The following HLCS variants were observed in gnomAD, a reference collection of about 807,000 sequenced individuals.
HLCS encodes the protein holocarboxylase synthetase, also known as biotin--protein ligase.
A neutral mutation model predicts 75.0 loss-of-function variants in HLCS; 53 were observed. That is an observed-to-expected ratio of 0.71 (90% CI 0.57 to 0.89). HLCS has a LOEUF of 0.89. Among genes scored for constraint, HLCS ranks in the 40% least tolerant of loss-of-function variants. The pLI is 0.00. For synonymous variants in HLCS, 431 were observed against 428.6 expected (o/e 1.01, Z -0.07); for missense variants, 966 against 1,074.0 (o/e 0.90, Z 1.41).
intron 6 of HLCS, among the ~76,000 whole-genome samples, chr21:36,868,282 A>G (rs1324582687): frequency 1.3e-5 from 2 of 151,852 alleles, no homozygotes; most frequent in East Asian, 1.9e-4. Context: ...AAGGAAAGAA[A>G]GAAAGAAAGA....
At chr21:36,870,622 G>C (rs928112407) in intron 6 of HLCS, among the ~76,000 whole-genome samples, 2 of 152,256 alleles carry the variant, frequency 1.3e-5, no homozygotes, top group East Asian at 3.9e-4. Flanking sequence ...GATTGTTTCG[G>C]AATCATAGTT....
At chr21:36,829,655 T>C (rs534800327) in intron 6 of HLCS, among the ~76,000 whole-genome samples, 2 of 152,226 alleles carry the variant, frequency 1.3e-5, no homozygotes, top group Admixed American at 1.3e-4. Flanking sequence ...GGAAGATGTT[T>C]CTAGTATCAA....
intron 6 of HLCS, among the ~76,000 whole-genome samples, chr21:36,832,687 G>A (rs2062254680): frequency 6.6e-6 from 1 of 152,166 alleles, no homozygotes; most frequent in Non-Finnish European, 1.5e-5. Flanking sequence ...TCTGACATGG[G>A]AGGCCATTCC....
rs781429823 is a variant in HLCS at position 36,936,768 on chromosome 21, G to A, written c.1118C>T (p.Pro373Leu). 19 of 1,614,090 alleles carry A rather than the reference G, an allele frequency of 1.2e-5. No individual in the cohort carries two copies. The highest frequency in any genetic ancestry group is 1.7e-5 in the Admixed American group (1 of 60,014). Reference protein sequence around the residue: ...LLVIATRESIPEDLYQKFMAY... With the variant: ...LLVIATRESILEDLYQKFMAY... Reference sequence around the variant, plus strand: ...CATGAACTTCTGGTACAGGTCTTCGGGAATGGACTCCCTGGTAGCAATGAC... The same window carrying A: ...CATGAACTTCTGGTACAGGTCTTCGAGAATGGACTCCCTGGTAGCAATGAC... The change falls in exon 4 of 11, where the codon CCC becomes CTC. Residue 373 changes from proline (P) to leucine (L), a missense_variant. Physicochemically the swap from Pro to Leu is moderately conservative, Grantham distance 98. Transcript: ENST00000674895.
chr21:36,834,443 C>T (rs545639342), intron 6 of HLCS, among the ~76,000 whole-genome samples: 33 of 152,346 alleles, frequency 2.2e-4, no homozygotes, highest in Admixed American at 4.6e-4. Context: ...AGTGGCCAAG[C>T]GCCAGAGAGG....
chr21:36,892,150 G>A (rs2064813057), intron 6 of HLCS, among the ~76,000 whole-genome samples: 1 of 152,162 alleles, frequency 6.6e-6, no homozygotes, highest in South Asian at 2.1e-4. Context: ...CCTTAAGGCT[G>A]GCCTATAAAA....
intron 10 of HLCS, among the ~76,000 whole-genome samples, chr21:36,755,401 A>G (rs1033409882): frequency 2.0e-5 from 3 of 152,108 alleles, no homozygotes; most frequent in African/African-American, 7.2e-5. Flanking sequence ...CTCTCTAAAA[A>G]AAAAAAAAGT....
At chr21:36,869,255 G>C (rs2146221364) in intron 6 of HLCS, among the ~76,000 whole-genome samples, 1 of 152,226 alleles carries the variant, frequency 6.6e-6, no homozygotes, top group East Asian at 1.9e-4. Flanking sequence ...CTCCGGAGTA[G>C]CTGGGACTAC....
chr21:36,977,174 T>G (rs1488853866), intron 1 of HLCS, among the ~76,000 whole-genome samples: 2 of 152,012 alleles, frequency 1.3e-5, no homozygotes, highest in Non-Finnish European at 2.9e-5. Context: ...TTTTCTCTGT[T>G]AAAAGCAAAT....
intron 6 of HLCS, among the ~76,000 whole-genome samples, chr21:36,780,898 C>G (rs1419666106): frequency 6.6e-6 from 1 of 151,990 alleles, no homozygotes; most frequent in Non-Finnish European, 1.5e-5. Context: ...TTAAGAGTTT[C>G]TTATATATTA....
At chr21:36,815,844 T>C (rs2061649294) in intron 6 of HLCS, among the ~76,000 whole-genome samples, 1 of 152,196 alleles carries the variant, frequency 6.6e-6, no homozygotes, top group Admixed American at 6.5e-5. Context: ...TACCGGTTCC[T>C]GGATACCTTT....
intron 6 of HLCS, among the ~76,000 whole-genome samples, chr21:36,860,801 TTAAAA>T (rs1188376375): frequency 6.6e-6 from 1 of 152,254 alleles, no homozygotes; most frequent in African/African-American, 2.4e-5. Context: ...TTTCCCAGTG[TTAAAA>T]TAAACGCCTC....
At position 36,917,534 on chromosome 21, in the gene HLCS, A is replaced by G. The variant is rs191326673; in HGVS notation, c.1620+12717T>C. Among the ~76,000 whole-genome samples the G allele has an allele frequency of 1.9e-3, 282 of 152,320 alleles. 2 individuals carry two copies. Among genetic ancestry groups the G allele is most frequent in the African/African-American group, 6.3e-3 (262 of 41,584 alleles). On this transcript the variant is annotated intron_variant, in intron 5 of 10. Coordinates refer to ENST00000674895, the MANE Select transcript of HLCS (RefSeq NM_001352514.2). Reference sequence around the variant, plus strand: ...AGCTTATTGGCACCGAATGAAAAACACACAAGTCTTAATCTTAGGTCTTGA... The same window carrying G: ...AGCTTATTGGCACCGAATGAAAAACGCACAAGTCTTAATCTTAGGTCTTGA...
Position 36,930,266 on chromosome 21 carries a change from CAAGTA to C in HLCS, c.1600_1604del (p.Tyr534AlafsTer33). The C allele has an allele frequency of 1.9e-6, 3 of 1,614,124 alleles. No individual in the cohort carries two copies. The highest frequency in any genetic ancestry group is 2.5e-6 in the Non-Finnish European group (3 of 1,180,008). ...CACAACTCACCTCCGCAGCTGACAG[CAAGTA>C]AAGAGGAGTTAAGGCAGGAACTTGT... On this transcript the variant is annotated frameshift_variant, in exon 5 of 11. Transcript: ENST00000674895. LOFTEE classifies it high-confidence loss of function.
chr21:36,983,014 A>G (rs2069153144), intron 1 of HLCS, among the ~76,000 whole-genome samples: 1 of 151,970 alleles, frequency 6.6e-6, no homozygotes, highest in Non-Finnish European at 1.5e-5. Flanking sequence ...AGCCTGGGCG[A>G]CACAGCGAGA....
At chr21:36,848,451 T>A (rs2146126397) in intron 6 of HLCS, among the ~76,000 whole-genome samples, 1 of 152,088 alleles carries the variant, frequency 6.6e-6, no homozygotes, top group Admixed American at 6.5e-5. Flanking sequence ...TGTATTTTAG[T>A]AGAGAGGGGA....
At chr21:36,826,809 C>T (rs948378271) in intron 6 of HLCS, among the ~76,000 whole-genome samples, 2 of 152,230 alleles carry the variant, frequency 1.3e-5, no homozygotes, top group African/African-American at 2.4e-5. Context: ...GGAACTGGGA[C>T]TCCATTCTGC....
At chr21:36,976,363 G>GT (rs1359323211) in intron 1 of HLCS, among the ~76,000 whole-genome samples, 2 of 151,898 alleles carry the variant, frequency 1.3e-5, no homozygotes, top group African/African-American at 4.8e-5. Flanking sequence ...CTGACTATCA[G>GT]TAAGTCATTA....
chr21:36,987,998 A>G (rs1454220741), intron 1 of HLCS, among the ~76,000 whole-genome samples: 1 of 152,182 alleles, frequency 6.6e-6, no homozygotes, highest in Non-Finnish European at 1.5e-5. Flanking sequence ...TTTACTATGC[A>G]GTTTAGCTCA....
Sources: gnomAD v4.1 joint callset for allele counts (sites outside exome capture counted in the v4.1 genomes callset) on GRCh38, gnomAD v4.1.1 for gene constraint, MANE v1.5 for transcripts, NCBI Gene and HGNC (gene_info 2026-07-23, HGNC 2026-07-21) for gene names.